PKD2: variants seen among roughly 807,000 people sequenced by gnomAD.
PKD2 encodes polycystin 2, transient receptor potential cation channel, also known as polycystin-2.
Under a neutral mutation model 105.9 loss-of-function variants are expected in PKD2, and 48 were observed. That is an observed-to-expected ratio of 0.45 (90% CI 0.36 to 0.58). The LOEUF (loss-of-function observed/expected upper bound fraction) is 0.58, where lower values mean the gene tolerates loss of function less well. Among genes scored for constraint, PKD2 ranks in the 20% least tolerant of loss-of-function variants. The probability of loss-of-function intolerance (pLI) is 0.00; values close to 1 mark genes in which losing one functional copy is unlikely to be tolerated. For missense variants in PKD2, 1,078 were observed against 1,255.3 expected (o/e 0.86, Z 2.13); for synonymous variants, 464 against 481.1 (o/e 0.96, Z 0.46).
intron 2 of PKD2, among the ~76,000 whole-genome samples, chr4:88,028,269 G>A (rs906589410): frequency 3.3e-5 from 5 of 152,174 alleles, no homozygotes; most frequent in Admixed American, 2.6e-4. Context: ...TTCCTAATTT[G>A]CCAGAGAATC....
At chr4:88,032,802 A>G (rs542076977) in intron 2 of PKD2, among the ~76,000 whole-genome samples, 76 of 152,324 alleles carry the variant, frequency 5.0e-4, no homozygotes, top group African/African-American at 1.7e-3. Context: ...ATGTCTTCAC[A>G]TATATTTCCC....
chr4:88,010,475 G>A (rs1726348216), intron 1 of PKD2, among the ~76,000 whole-genome samples: 1 of 152,184 alleles, frequency 6.6e-6, no homozygotes, highest in Admixed American at 6.5e-5. Flanking sequence ...AAAATAAATA[G>A]CCATGAATGG....
At chr4:88,065,277 C>G (rs1223217014) in intron 10 of PKD2, 97 bp from the exon 11 acceptor site, 1 of 1,050,354 alleles carries the variant, frequency 9.5e-7, no homozygotes, top group Admixed American at 1.7e-5. Flanking sequence ...CCAATGTACA[C>G]CAGGTTTGTA....
chr4:88,015,688 C>T (rs2110086183), intron 1 of PKD2, among the ~76,000 whole-genome samples: 1 of 152,314 alleles, frequency 6.6e-6, no homozygotes, highest in South Asian at 2.1e-4. Flanking sequence ...TCCCAGAGTG[C>T]TGGGATTACA....
intron 2 of PKD2, among the ~76,000 whole-genome samples, chr4:88,033,693 A>C (rs903030835): frequency 6.6e-6 from 1 of 152,240 alleles, no homozygotes; most frequent in African/African-American, 2.4e-5. Flanking sequence ...TATATAAATA[A>C]TTTATCAAAA....
chr4:88,014,485 C>CT (rs1238473014), intron 1 of PKD2, among the ~76,000 whole-genome samples: 1 of 40,360 alleles, frequency 2.5e-5, no homozygotes, highest in Non-Finnish European at 4.7e-5. Context: ...GACACTGTCT[C>CT]TAAAAAAAAA....
In PKD2 at chr4:88,008,000, C is replaced by T. The variant is rs2110080331; in HGVS notation, c.267C>T (p.Arg89=). Residue 89 remains arginine (R), a synonymous_variant, in exon 1 of 15, where the codon CGC becomes CGT. Transcript: ENST00000237596. ...LSSCSRQAWS[R]DNPGFEAEEE... ...CGTGCTCCCGGCAGGCGTGGAGCCGCGATAACCCCGGCTTCGAGGCCGAGG... is the reference window on the plus strand; with the variant it reads ...CGTGCTCCCGGCAGGCGTGGAGCCGTGATAACCCCGGCTTCGAGGCCGAGG... 2 of 1,515,930 alleles carry T rather than the reference C, an allele frequency of 1.3e-6. No homozygotes were observed. Among genetic ancestry groups the T allele is most frequent in the East Asian group, 2.6e-5 (1 of 39,188 alleles). 93.9% of individuals were successfully genotyped at this position (1,515,930 alleles called of 1,614,324 possible). A position where few individuals can be genotyped will look rare whatever the true frequency, so the allele number is the denominator to read the frequency against.
intron 1 of PKD2, among the ~76,000 whole-genome samples, chr4:88,010,717 T>C (rs975683827): frequency 2.0e-5 from 3 of 152,242 alleles, no homozygotes; most frequent in Admixed American, 6.5e-5. Context: ...ATGGAAGAAT[T>C]GAACCTAGCT....
At chr4:88,023,374 A>G (rs1038966840) in intron 2 of PKD2, among the ~76,000 whole-genome samples, 3 of 152,226 alleles carry the variant, frequency 2.0e-5, no homozygotes, top group Non-Finnish European at 4.4e-5. Flanking sequence ...CCTCAAGGAC[A>G]GTACCAAGAG....
At chr4:88,016,374 C>G (rs1258014132) in intron 1 of PKD2, among the ~76,000 whole-genome samples, 1 of 152,182 alleles carries the variant, frequency 6.6e-6, no homozygotes, top group African/African-American at 2.4e-5. Context: ...TAACTCCCAC[C>G]ACAACTAGAA....
chr4:88,071,536 T>G (rs983559625), intron 13 of PKD2, among the ~76,000 whole-genome samples: 3 of 152,140 alleles, frequency 2.0e-5, no homozygotes, highest in African/African-American at 7.2e-5. Flanking sequence ...TTCCTGTTTT[T>G]TTGTTTTGTT....
At chr4:88,015,092 A>AG (rs1214318955) in intron 1 of PKD2, among the ~76,000 whole-genome samples, 1 of 152,226 alleles carries the variant, frequency 6.6e-6, no homozygotes, top group Admixed American at 6.5e-5. Context: ...GGTTAGTGTG[A>AG]GGTGAAAGAT....
chr4:88,027,008 A>G lies in PKD2; in HGVS notation c.709+7437A>G, dbSNP rs557294064. On this transcript the variant is annotated intron_variant, in intron 2 of 14. Transcript: ENST00000237596. ...GGAAACACCTCGATGTCCAGGCAGAAGTCTGCTGCAGGGGCAGAGCCTTAT... is the reference window on the plus strand; with the variant it reads ...GGAAACACCTCGATGTCCAGGCAGAGGTCTGCTGCAGGGGCAGAGCCTTAT... 3.3e-5 allele frequency among the ~76,000 whole-genome samples: 5 copies of G among 152,348 alleles called. No homozygotes were observed. The South Asian group carries it at 1.0e-3, about 32-fold the overall frequency.
chr4:88,020,593 A>C (rs773287307), intron 2 of PKD2, among the ~76,000 whole-genome samples: 1 of 151,924 alleles, frequency 6.6e-6, no homozygotes, highest in Non-Finnish European at 1.5e-5. Flanking sequence ...GATTTCTGTC[A>C]TGTCTCATCT....
At chr4:88,031,882 A>C (rs1478568657) in intron 2 of PKD2, among the ~76,000 whole-genome samples, 1 of 152,342 alleles carries the variant, frequency 6.6e-6, no homozygotes, top group African/African-American at 2.4e-5. Context: ...TTACCAATGT[A>C]AAATAACCTT....
chr4:88,039,059 G>A (rs190268072), intron 4 of PKD2, among the ~76,000 whole-genome samples: 53 of 152,274 alleles, frequency 3.5e-4, no homozygotes, highest in African/African-American at 1.3e-3. Context: ...CAAACATCTT[G>A]TGTATTAAGG....
chr4:88,013,066 G>A (rs558672355), intron 1 of PKD2, among the ~76,000 whole-genome samples: 7 of 151,978 alleles, frequency 4.6e-5, no homozygotes, highest in Admixed American at 3.9e-4. Flanking sequence ...TCCACCTTTC[G>A]ACTGTTGTGA....
intron 13 of PKD2, among the ~76,000 whole-genome samples, chr4:88,071,107 G>A (rs1471165864): frequency 6.6e-6 from 1 of 151,734 alleles, no homozygotes; most frequent in African/African-American, 2.4e-5. Flanking sequence ...CCAGGCTAGA[G>A]TGCAGTGGCA....
At chr4:88,027,822 A>C (rs2110096961) in intron 2 of PKD2, among the ~76,000 whole-genome samples, 1 of 3,930 alleles carries the variant, frequency 2.5e-4, no homozygotes, top group East Asian at 8.2e-3. Flanking sequence ...TTTTTTGGTA[A>C]GTGTCTGGGC....
Sources: gnomAD v4.1 joint callset for allele counts (sites outside exome capture counted in the v4.1 genomes callset) on GRCh38, gnomAD v4.1.1 for gene constraint, MANE v1.5 for transcripts, NCBI Gene and HGNC (gene_info 2026-07-23, HGNC 2026-07-21) for gene names.